Variants in ELAPOR2 observed in about 807,000 individuals in gnomAD.
ELAPOR2 encodes endosome/lysosome-associated apoptosis and autophagy regulator family member 2.
ELAPOR2 carries 89 observed loss-of-function variants against 120.7 expected under a neutral mutation model. The observed-to-expected ratio is 0.74, with a 90% confidence interval of 0.62 to 0.88. ELAPOR2 has a LOEUF of 0.88. Ranked by LOEUF, ELAPOR2 falls within the 40% of genes least tolerant of loss-of-function variation. The pLI is 0.00. For synonymous variants in ELAPOR2, 444 were observed against 444.9 expected, an observed-to-expected ratio of 1.00 and a Z score of 0.03; for missense variants, 1,134 against 1,251.6, an observed-to-expected ratio of 0.91 and a Z score of 1.42.
At chr7:87,052,349 T>C (rs1795133249) in intron 1 of ELAPOR2, among the ~76,000 whole-genome samples, 1 of 152,200 alleles carries the variant, frequency 6.6e-6, no homozygotes, top group Admixed American at 6.5e-5. Flanking sequence ...ATGAAACCAC[T>C]GGATCTCAAG....
chr7:86,884,171 C>T (rs185085770), intron 21 of ELAPOR2, among the ~76,000 whole-genome samples: 17 of 152,212 alleles, frequency 1.1e-4, no homozygotes, highest in Admixed American at 1.0e-3. Flanking sequence ...CTATTCAAAA[C>T]AAAATTCACT....
chr7:87,049,427 T>G lies in ELAPOR2; in HGVS notation c.189+9898A>C, dbSNP rs990482965. On this transcript the variant is annotated intron_variant, in intron 1 of 21. Coordinates refer to ENST00000450689, the MANE Select transcript of ELAPOR2 (RefSeq NM_001142749.3). ...CTCCCGAGCAGCTGGAACCACAGGC[T>G]CCCGCCACCATGCCTGGCTAATTTT... is the stretch of plus-strand genomic sequence containing the variant. Among the ~76,000 whole-genome samples, 3 of 151,956 alleles carry G rather than the reference T, an allele frequency of 2.0e-5. No individual in the cohort carries two copies. In the East Asian group the frequency reaches 5.8e-4, roughly 29 times the overall value.
At chr7:86,969,742 C>T (rs1164888111) in intron 1 of ELAPOR2, among the ~76,000 whole-genome samples, 2 of 152,194 alleles carry the variant, frequency 1.3e-5, no homozygotes, top group African/African-American at 4.8e-5. Context: ...AATTCCTTAA[C>T]TCTCAGATTT....
intron 8 of ELAPOR2, among the ~76,000 whole-genome samples, chr7:86,930,245 A>G (rs948652969): frequency 6.6e-6 from 1 of 151,992 alleles, no homozygotes; most frequent in Non-Finnish European, 1.5e-5. Flanking sequence ...ATGATATGGT[A>G]TGAGAACTAT....
At chr7:87,058,391 T>C (rs1375525536) in intron 1 of ELAPOR2, among the ~76,000 whole-genome samples, 1 of 152,218 alleles carries the variant, frequency 6.6e-6, no homozygotes, top group Non-Finnish European at 1.5e-5. Flanking sequence ...CTATTCCATA[T>C]ATCCTCCCAA....
intron 3 of ELAPOR2, among the ~76,000 whole-genome samples, chr7:86,946,188 C>CACACACACACACACAT (rs1400004271): frequency 1.1e-4 from 16 of 151,984 alleles, no homozygotes; most frequent in African/African-American, 2.9e-4. Flanking sequence ...CACACACACA[C>CACACACACACACACAT]ACGTGTGCAT....
At chr7:86,946,940 A>G (rs1337799945) in intron 3 of ELAPOR2, among the ~76,000 whole-genome samples, 2 of 152,162 alleles carry the variant, frequency 1.3e-5, no homozygotes, top group Non-Finnish European at 2.9e-5. Flanking sequence ...AAATAAAGAA[A>G]TTGGCATCAT....
intron 8 of ELAPOR2, among the ~76,000 whole-genome samples, chr7:86,928,468 G>GC (rs1312973385): frequency 6.6e-6 from 1 of 151,966 alleles, no homozygotes; most frequent in African/African-American, 2.4e-5. Flanking sequence ...GTGAGCTACT[G>GC]CACTAGTGAA....
intron 1 of ELAPOR2, among the ~76,000 whole-genome samples, chr7:86,974,059 C>T (rs1792193764): frequency 6.6e-6 from 1 of 150,968 alleles, no homozygotes; most frequent in Non-Finnish European, 1.5e-5. Context: ...TTTTTAATTC[C>T]AAACCCAAAT....
At chr7:86,984,476 A>G (rs1187868888) in intron 1 of ELAPOR2, among the ~76,000 whole-genome samples, 2 of 152,232 alleles carry the variant, frequency 1.3e-5, no homozygotes, top group Non-Finnish European at 2.9e-5. Flanking sequence ...AGAAATCACA[A>G]CATACTGTCT....
chr7:86,913,824 T>A (rs953076603), intron 13 of ELAPOR2, among the ~76,000 whole-genome samples: 1 of 152,152 alleles, frequency 6.6e-6, no homozygotes, highest in Non-Finnish European at 1.5e-5. Flanking sequence ...CTGAGTCACT[T>A]TAAGGTCTGG....
intron 18 of ELAPOR2, among the ~76,000 whole-genome samples, chr7:86,904,611 C>T (rs574927146): frequency 1.3e-5 from 2 of 152,298 alleles, no homozygotes; most frequent in South Asian, 4.1e-4. Flanking sequence ...ATTTGCCAGA[C>T]CAAATAGACA....
intron 1 of ELAPOR2, among the ~76,000 whole-genome samples, chr7:87,054,989 T>G (rs1011255001): frequency 6.6e-6 from 1 of 152,234 alleles, no homozygotes; most frequent in African/African-American, 2.4e-5. Context: ...CTCCTCGGTT[T>G]CTGTCCCCTT....
rs1283059824 is a variant in ELAPOR2, at chr7:86,912,076, T to C, written c.2165A>G (p.His722Arg). 3.1e-6 allele frequency: 5 copies of C among 1,604,182 alleles called. No individual in the cohort carries two copies. The highest frequency in any genetic ancestry group is 4.3e-6 in the Non-Finnish European group (5 of 1,171,834). The change falls in exon 15 of 22, where the codon CAT becomes CGT. Residue 722 changes from histidine to arginine, a missense_variant. Physicochemically the swap from His to Arg is conservative, Grantham distance 29. This residue lies in a region of ELAPOR2 where 831 missense variants were observed against 867.6 expected (regional missense o/e 0.96). Transcript: ENST00000450689. ...ACCTTGACAGCCAGAACTCACCTCA[T>C]GCCCACATAAACTGATATTGAAGAA... ...FHFFNISLCG[H>R]EGKKMALCTN... is the part of the protein sequence containing the mutation.
At chr7:86,953,103 A>G (rs1009631831) in intron 2 of ELAPOR2, among the ~76,000 whole-genome samples, 2 of 152,080 alleles carry the variant, frequency 1.3e-5, no homozygotes, top group Admixed American at 6.6e-5. Context: ...CAAAAAAAAA[A>G]AAAAAAAACC....
intron 1 of ELAPOR2, among the ~76,000 whole-genome samples, chr7:86,967,980 A>G (rs952028294): frequency 6.6e-5 from 10 of 152,222 alleles, no homozygotes; most frequent in Non-Finnish European, 5.9e-5. Flanking sequence ...TTTTATTTTA[A>G]ATTATTTAAC....
intron 1 of ELAPOR2, among the ~76,000 whole-genome samples, chr7:86,970,863 AT>A (rs1242723359): frequency 6.6e-6 from 1 of 152,154 alleles, no homozygotes; most frequent in Non-Finnish European, 1.5e-5. Flanking sequence ...AAAAGTTCAT[AT>A]TTTAAACCTG....
intron 2 of ELAPOR2, among the ~76,000 whole-genome samples, chr7:86,952,713 A>G (rs1791314269): frequency 6.6e-6 from 1 of 152,184 alleles, no homozygotes; most frequent in Admixed American, 6.5e-5. Context: ...AGCTATCTCA[A>G]TGAGTTGTGG....
intron 1 of ELAPOR2, among the ~76,000 whole-genome samples, chr7:87,021,715 A>T (rs1455093224): frequency 6.6e-6 from 1 of 152,296 alleles, no homozygotes; most frequent in East Asian, 1.9e-4. Context: ...AGTTATGAGA[A>T]TACCTCTCTT....
Sources: allele counts gnomAD v4.1 joint callset (sites outside exome capture counted in the v4.1 genomes callset), GRCh38; gene constraint gnomAD v4.1.1; regional missense constraint gnomAD v4.1.1; transcripts MANE v1.5; gene names NCBI Gene and HGNC (gene_info 2026-07-23, HGNC 2026-07-21).